Variants in ASTN2 observed in about 807,000 individuals in gnomAD.
The protein encoded by ASTN2 is astrotactin 2, also known as astrotactin-2.
Under a neutral mutation model 139.8 loss-of-function variants are expected in ASTN2, and 54 were observed. The ratio of observed to expected loss-of-function variants is 0.39; its 90% CI spans 0.31 to 0.48. The LOEUF is 0.48. Among genes scored for constraint, ASTN2 ranks in the 20% least tolerant of loss-of-function variants. The probability of loss-of-function intolerance (pLI) is 0.95; values close to 1 mark genes in which losing one functional copy is unlikely to be tolerated. For missense variants in ASTN2, 1,565 were observed against 1,725.1 expected, an observed-to-expected ratio of 0.91 and a Z score of 1.64; for synonymous variants, 756 against 719.5, an observed-to-expected ratio of 1.05 and a Z score of -0.81.
At chr9:117,216,661 A>G (rs942213233) in intron 2 of ASTN2, among the ~76,000 whole-genome samples, 1 of 152,198 alleles carries the variant, frequency 6.6e-6, no homozygotes, top group African/African-American at 2.4e-5. Context: ...AACATATGAT[A>G]GTGATTGCTT....
Position 117,398,655 on chromosome 9 carries a change from T to C in ASTN2, c.442+15842A>G, listed in dbSNP as rs140305245. ...CAAACATATCTATTCCACATTCCCA[T>C]AAGCATTCCAGCAAACTGTTTGTCA... is the stretch of plus-strand genomic sequence containing the variant. On this transcript the variant is annotated intron_variant, in intron 1 of 22. Coordinates refer to ENST00000313400, the MANE Select transcript of ASTN2 (RefSeq NM_001365068.1). Among the ~76,000 whole-genome samples, 158 of 152,362 alleles carry C rather than the reference T, an allele frequency of 1.0e-3. 3 individuals carry two copies. The highest frequency in any genetic ancestry group is 1.6e-4 in the Non-Finnish European group (11 of 68,034).
intron 13 of ASTN2, among the ~76,000 whole-genome samples, chr9:116,784,639 G>C (rs1343100166): frequency 6.6e-6 from 1 of 152,118 alleles, no homozygotes; most frequent in South Asian, 2.1e-4. Flanking sequence ...AGTGTTAAAA[G>C]AGGAGAGAGG....
intron 10 of ASTN2, among the ~76,000 whole-genome samples, chr9:116,962,593 A>G (rs1229547686): frequency 6.6e-6 from 1 of 152,196 alleles, no homozygotes; most frequent in Non-Finnish European, 1.5e-5. Flanking sequence ...ACATTTGTTC[A>G]CATATTAACA....
chr9:117,394,165 A>G (rs1337766408), intron 1 of ASTN2, among the ~76,000 whole-genome samples: 2 of 152,150 alleles, frequency 1.3e-5, no homozygotes, highest in Non-Finnish European at 2.9e-5. Context: ...CACCTATTCA[A>G]TAACAGATTC....
chr9:116,685,213 C>G (rs955277943), intron 16 of ASTN2, among the ~76,000 whole-genome samples: 14 of 152,148 alleles, frequency 9.2e-5, no homozygotes, highest in East Asian at 5.8e-4. Flanking sequence ...ATCTTGTGGC[C>G]CCCCCACTCA....
At chr9:116,482,855 G>A (rs1409853309) in intron 20 of ASTN2, among the ~76,000 whole-genome samples, 2 of 152,172 alleles carry the variant, frequency 1.3e-5, no homozygotes, top group African/African-American at 2.4e-5. Context: ...AGGTGAGGGC[G>A]GGTCTGGGGC....
intron 11 of ASTN2, among the ~76,000 whole-genome samples, chr9:116,830,211 A>T (rs7035944): frequency 0.79 from 120,666 of 152,062 alleles, 48,076 homozygotes; most frequent in East Asian, 0.92. Context: ...CATAAGAGTG[A>T]CCCACAAACA....
At chr9:117,049,272 T>C (rs1390507214) in intron 5 of ASTN2, among the ~76,000 whole-genome samples, 1 of 152,152 alleles carries the variant, frequency 6.6e-6, no homozygotes, top group Non-Finnish European at 1.5e-5. Flanking sequence ...AGAAAATATT[T>C]CTATGTTCAC....
intron 11 of ASTN2, among the ~76,000 whole-genome samples, chr9:116,857,669 G>T (rs2132332035): frequency 6.6e-6 from 1 of 152,222 alleles, no homozygotes; most frequent in East Asian, 1.9e-4. Flanking sequence ...TATCTTTCTA[G>T]GCCTTTGTTT....
At chr9:117,004,127 G>T (rs1433800017) in intron 7 of ASTN2, among the ~76,000 whole-genome samples, 1 of 151,926 alleles carries the variant, frequency 6.6e-6, no homozygotes, top group African/African-American at 2.4e-5. Flanking sequence ...TTTATTTATT[G>T]ATTGATTTTT....
intron 10 of ASTN2, among the ~76,000 whole-genome samples, chr9:116,956,907 A>G (rs532564692): frequency 2.0e-5 from 3 of 152,360 alleles, no homozygotes; most frequent in Admixed American, 2.0e-4. Flanking sequence ...ATTAAGAACT[A>G]CAAAACAATG....
At chr9:117,368,807 C>T (rs1035369455) in intron 1 of ASTN2, among the ~76,000 whole-genome samples, 25 of 152,092 alleles carry the variant, frequency 1.6e-4, no homozygotes, top group Non-Finnish European at 1.2e-4. Context: ...TATCACAAAG[C>T]CACAGTTGGC....
intron 11 of ASTN2, among the ~76,000 whole-genome samples, chr9:116,842,034 T>C (rs539003642): frequency 6.6e-6 from 1 of 152,300 alleles, no homozygotes; most frequent in African/African-American, 2.4e-5. Flanking sequence ...CCAAATGAGG[T>C]TCTCTTTTCC....
chr9:116,518,100 G>T (rs1435984695), intron 19 of ASTN2, among the ~76,000 whole-genome samples: 2 of 152,070 alleles, frequency 1.3e-5, no homozygotes, highest in East Asian at 3.8e-4. Context: ...AATAATCAAG[G>T]AAAACTTCCC....
chr9:116,594,024 C>G (rs1350566807), intron 19 of ASTN2, among the ~76,000 whole-genome samples: 1 of 152,228 alleles, frequency 6.6e-6, no homozygotes, highest in Non-Finnish European at 1.5e-5. Flanking sequence ...TATCTTTGCA[C>G]TTCCTGCCCC....
chr9:116,951,336 T>TAAA (rs1835553671), intron 10 of ASTN2, among the ~76,000 whole-genome samples: 1 of 12,578 alleles, frequency 8.0e-5, no homozygotes, highest in Non-Finnish European at 1.6e-4. Context: ...AAACTCTGTC[T>TAAA]CAAAAAAAAA....
At chr9:116,968,028 C>A (rs1836068273) in intron 10 of ASTN2, among the ~76,000 whole-genome samples, 1 of 152,196 alleles carries the variant, frequency 6.6e-6, no homozygotes, top group Non-Finnish European at 1.5e-5. Flanking sequence ...ACTTCTCATT[C>A]ATTGAATATC....
intron 2 of ASTN2, among the ~76,000 whole-genome samples, chr9:117,286,439 C>T (rs1415522937): frequency 4.6e-5 from 7 of 151,428 alleles, no homozygotes; most frequent in African/African-American, 1.7e-4. Flanking sequence ...GCAAGCTCCG[C>T]CTCCTGCCTG....
At chr9:116,955,850 T>A (rs371019363) in intron 10 of ASTN2, among the ~76,000 whole-genome samples, 6 of 152,330 alleles carry the variant, frequency 3.9e-5, no homozygotes, top group African/African-American at 1.4e-4. Flanking sequence ...TTTCTGTGGA[T>A]ATAATGAGCA....
Sources: allele counts gnomAD v4.1 joint callset (sites outside exome capture counted in the v4.1 genomes callset), GRCh38; gene constraint gnomAD v4.1.1; transcripts MANE v1.5; gene names NCBI Gene and HGNC (gene_info 2026-07-23, HGNC 2026-07-21).